ELAVL4: variants seen among roughly 807,000 people sequenced by gnomAD.
The protein encoded by ELAVL4 is ELAV like RNA binding protein 4.
ELAVL4 carries 1 observed loss-of-function variant against 35.6 expected under a neutral mutation model. The observed-to-expected ratio is 0.03, with a 90% confidence interval of 0.01 to 0.13. The LOEUF (loss-of-function observed/expected upper bound fraction) is 0.13. Ranked by LOEUF, ELAVL4 falls within the 10% of genes least tolerant of loss-of-function variation. ELAVL4 has a pLI of 1.00. For missense variants in ELAVL4, 267 were observed against 464.9 expected, an observed-to-expected ratio of 0.57 and a Z score of 3.91; for synonymous variants, 156 against 171.0, an observed-to-expected ratio of 0.91 and a Z score of 0.69.
At chr1:50,106,120 T>C (rs1344047185), upstream of ELAVL4, 7 of 449,134 alleles carry the variant, frequency 1.6e-5, no homozygotes, top group East Asian at 3.1e-5. Context: ...AATTTGGTTG[T>C]CTTTTTTTAT....
chr1:50,197,405 C>T (rs982530375), intron 5 of ELAVL4, 24 bp from the exon 6 acceptor site: 57 of 1,582,536 alleles, frequency 3.6e-5, no homozygotes, highest in Non-Finnish European at 4.4e-5. Flanking sequence ...GGCATTAACC[C>T]AGAGACCCTC....
intron 1 of ELAVL4, among the ~76,000 whole-genome samples, chr1:50,134,697 G>A (rs1671593944): frequency 6.6e-6 from 1 of 152,074 alleles, no homozygotes; most frequent in Admixed American, 6.6e-5. Flanking sequence ...TTTATTTACT[G>A]GCCATTTTGG....
intron 1 of ELAVL4, among the ~76,000 whole-genome samples, chr1:50,054,065 G>C (rs2148470442): frequency 6.6e-6 from 1 of 152,332 alleles, no homozygotes; most frequent in Non-Finnish European, 1.5e-5. Flanking sequence ...TGTGGCTTGA[G>C]AGGAGTGAGC....
In ELAVL4 at chr1:50,113,542, A is replaced by G. The variant is rs9436443; in HGVS notation, c.9+4344A>G. Among the ~76,000 whole-genome samples, 925 of 152,198 alleles carry G rather than the reference A, an allele frequency of 6.1e-3. 7 individuals are homozygous for G. Among genetic ancestry groups the G allele is most frequent in the African/African-American group, 0.021 (878 of 41,544 alleles). On this transcript the variant is annotated intron_variant, in intron 1 of 6. Coordinates refer to ENST00000371824, the MANE Select transcript of ELAVL4 (RefSeq NM_001144774.3). ...TTATATGCCTAGACATTTAATATGT[A>G]CATTTGTTGGTGAGCTGGCCAGAGG...
chr1:50,161,221 C>T (rs1330929659), intron 2 of ELAVL4, among the ~76,000 whole-genome samples: 1 of 152,020 alleles, frequency 6.6e-6, no homozygotes, highest in Non-Finnish European at 1.5e-5. Flanking sequence ...ATTTTTCTGG[C>T]TAGCTGGGAG....
intron 4 of ELAVL4, among the ~76,000 whole-genome samples, chr1:50,194,725 C>T (rs887122199): frequency 2.6e-5 from 4 of 152,254 alleles, no homozygotes; most frequent in African/African-American, 9.6e-5. Flanking sequence ...CTGTCAAGTG[C>T]CCCTGAGAGC....
In ELAVL4 at chr1:50,200,918, A is replaced by C; in HGVS notation, c.841A>C (p.Thr281Pro). The change falls in exon 7 of 7, where the codon ACT becomes CCT. Residue 281 changes from threonine (T) to proline (P), a missense_variant. Transcript: ENST00000371824. Reference sequence around the variant, plus strand: ...AATGAACATCCCTGGTCACACAGGAACTGGGTGGTGCATCTTTGTCTACAA... The same window carrying C: ...AATGAACATCCCTGGTCACACAGGACCTGGGTGGTGCATCTTTGTCTACAA... ...VGMNIPGHTGTGWCIFVYNLS... is the reference protein window; with the variant it reads ...VGMNIPGHTGPGWCIFVYNLS... 6.2e-7 allele frequency: 1 copy of C among 1,614,058 alleles called. No individual in the cohort carries two copies. The highest frequency in any genetic ancestry group is 8.5e-7 in the Non-Finnish European group (1 of 1,179,986).
intron 1 of ELAVL4, among the ~76,000 whole-genome samples, chr1:50,054,754 T>TA (rs1277585190): frequency 2.6e-5 from 4 of 152,222 alleles, no homozygotes; most frequent in African/African-American, 4.8e-5. Context: ...CTTGAGATGT[T>TA]ACTCTCTACC....
chr1:50,184,130 T>C (rs1681467380), intron 3 of ELAVL4, among the ~76,000 whole-genome samples: 1 of 152,218 alleles, frequency 6.6e-6, no homozygotes. Context: ...CAGTGCCCTG[T>C]TCACTTCCTT....
chr1:50,122,469 AG>A (rs1442050185), intron 1 of ELAVL4, among the ~76,000 whole-genome samples: 14 of 152,150 alleles, frequency 9.2e-5, no homozygotes, highest in African/African-American at 3.4e-4. Flanking sequence ...TCTAGGGATT[AG>A]GGAACCTTTG....
intron 1 of ELAVL4, among the ~76,000 whole-genome samples, chr1:50,138,332 T>G (rs1672240274): frequency 6.6e-6 from 1 of 152,202 alleles, no homozygotes; most frequent in African/African-American, 2.4e-5. Context: ...GAACATAAAA[T>G]GCTGTTTGAG....
chr1:50,067,103 T>TC (rs1664300640), intron 1 of ELAVL4, among the ~76,000 whole-genome samples: 1 of 152,072 alleles, frequency 6.6e-6, no homozygotes, highest in African/African-American at 2.4e-5. Flanking sequence ...TTATTCACTT[T>TC]CCCCTCCCCA....
At chr1:50,102,137 A>C (rs968782821), upstream of ELAVL4, among the ~76,000 whole-genome samples, 3 of 151,972 alleles carry the variant, frequency 2.0e-5, no homozygotes, top group African/African-American at 4.8e-5. Flanking sequence ...AATACAAAAA[A>C]TTAGCCGGGT....
chr1:50,092,999 A>G (rs983323626), intron 1 of ELAVL4, among the ~76,000 whole-genome samples: 1 of 152,260 alleles, frequency 6.6e-6, no homozygotes, highest in African/African-American at 2.4e-5. Context: ...TTCCCAGGGC[A>G]GGGGATTTTG....
At chr1:50,169,634 A>G (rs758126032) in intron 2 of ELAVL4, among the ~76,000 whole-genome samples, 2 of 152,206 alleles carry the variant, frequency 1.3e-5, no homozygotes, top group Non-Finnish European at 2.9e-5. Context: ...TACATAACAC[A>G]TGCTCACTAA....
At chr1:50,174,531 T>C (rs1387361651) in intron 2 of ELAVL4, 1 of 151,772 alleles carries the variant, frequency 6.6e-6, no homozygotes, top group African/African-American at 2.4e-5. Flanking sequence ...TCATTCTTGA[T>C]GTTAAATGCA....
intron 1 of ELAVL4, among the ~76,000 whole-genome samples, chr1:50,059,468 C>T (rs1288309020): frequency 1.3e-5 from 2 of 151,630 alleles, no homozygotes; most frequent in African/African-American, 2.4e-5. Context: ...AGATGTTCAG[C>T]GTCATTAAAA....
chr1:50,153,241 A>G (rs539051176), intron 2 of ELAVL4, among the ~76,000 whole-genome samples: 1 of 152,214 alleles, frequency 6.6e-6, no homozygotes, highest in Non-Finnish European at 1.5e-5. Flanking sequence ...TATTAATGTC[A>G]TTGGAAGGAT....
chr1:50,081,314 A>G (rs1397239743), intron 1 of ELAVL4, among the ~76,000 whole-genome samples: 1 of 152,230 alleles, frequency 6.6e-6, no homozygotes, highest in Non-Finnish European at 1.5e-5. Flanking sequence ...TCAAGAATAC[A>G]GAATACCCAG....
Sources: allele counts gnomAD v4.1 joint callset (sites outside exome capture counted in the v4.1 genomes callset), GRCh38; gene constraint gnomAD v4.1.1; transcripts MANE v1.5; gene names NCBI Gene and HGNC (gene_info 2026-07-23, HGNC 2026-07-21).